The following FAM193A variants were observed in gnomAD, a reference collection of about 807,000 sequenced individuals.
The protein encoded by FAM193A is family with sequence similarity 193 member A.
A neutral mutation model predicts 126.5 loss-of-function variants in FAM193A; 22 were observed. That is an observed-to-expected ratio of 0.17 (90% CI 0.12 to 0.25). The LOEUF (loss-of-function observed/expected upper bound fraction) is 0.25, where lower values mean the gene tolerates loss of function less well. Ranked by LOEUF, FAM193A falls within the 10% of genes least tolerant of loss-of-function variation. The pLI is 1.00. For synonymous variants in FAM193A, 761 were observed against 646.8 expected, an observed-to-expected ratio of 1.18 and a Z score of -2.68; for missense variants, 1,675 against 1,672.8, an observed-to-expected ratio of 1.00 and a Z score of -0.02.
chr4:2,663,418 A>G, intron 12 of FAM193A, 130 bp downstream of exon 12: 2 of 658,112 alleles, frequency 3.0e-6, no homozygotes, highest in South Asian at 6.3e-5. Flanking sequence ...AAGAGAGTCA[A>G]GGCATACTTA....
intron 10 of FAM193A, among the ~76,000 whole-genome samples, chr4:2,661,173 T>C (rs1712396806): frequency 6.6e-6 from 1 of 152,158 alleles, no homozygotes; most frequent in Non-Finnish European, 1.5e-5. Flanking sequence ...GAACTGCCCA[T>C]CACCAGTTAC....
At chr4:2,627,035 G>A (rs903910011) in intron 4 of FAM193A, among the ~76,000 whole-genome samples, 1 of 152,074 alleles carries the variant, frequency 6.6e-6, no homozygotes, top group African/African-American at 2.4e-5. Flanking sequence ...CAGCTGAGGC[G>A]TGCCTGGCCG....
chr4:2,679,815 T>A (rs1714891926), intron 13 of FAM193A, among the ~76,000 whole-genome samples: 1 of 152,138 alleles, frequency 6.6e-6, no homozygotes, highest in African/African-American at 2.4e-5. Flanking sequence ...TTTGGTAGAA[T>A]TGACTAGTGA....
intron 4 of FAM193A, among the ~76,000 whole-genome samples, chr4:2,630,498 T>A (rs1213247427): frequency 6.6e-6 from 1 of 152,202 alleles, no homozygotes; most frequent in Non-Finnish European, 1.5e-5. Flanking sequence ...TGTTAACATA[T>A]AAGCCTTTAA....
chr4:2,622,148 T>A (rs1009539047), intron 2 of FAM193A, among the ~76,000 whole-genome samples: 1 of 149,556 alleles, frequency 6.7e-6, no homozygotes, highest in African/African-American at 2.5e-5. Context: ...TCCCAGCTAC[T>A]CAGGAGGCTG....
At chr4:2,543,350 G>A (rs1737350329) in intron 1 of FAM193A, among the ~76,000 whole-genome samples, 1 of 152,042 alleles carries the variant, frequency 6.6e-6, no homozygotes, top group Non-Finnish European at 1.5e-5. Flanking sequence ...GCCTCTCAAA[G>A]TGCTAGGATT....
chr4:2,608,410 CTCAA>C (rs1289765966), intron 2 of FAM193A, among the ~76,000 whole-genome samples: 1 of 152,176 alleles, frequency 6.6e-6, no homozygotes, highest in Non-Finnish European at 1.5e-5. Context: ...AACTCCTGGG[CTCAA>C]TCAGTCTCCC....
intron 8 of FAM193A, 145 bp from the exon 9 acceptor site, chr4:2,659,413 C>T: frequency 1.6e-6 from 1 of 643,578 alleles, no homozygotes; most frequent in South Asian, 1.8e-5. Context: ...GACTCCAGGT[C>T]TGCTGCCCCT....
chr4:2,548,790 T>G (rs1248657236), intron 1 of FAM193A, among the ~76,000 whole-genome samples: 2 of 151,884 alleles, frequency 1.3e-5, no homozygotes, highest in African/African-American at 4.8e-5. Context: ...AAAAAAAATG[T>G]GAATGAAGTT....
intron 20 of FAM193A, among the ~76,000 whole-genome samples, chr4:2,725,354 T>TG (rs2109417894): frequency 7.0e-6 from 1 of 142,998 alleles, no homozygotes; most frequent in Admixed American, 7.5e-5. Flanking sequence ...AAGCTCAGGT[T>TG]GGGGAGGGTC....
At chr4:2,622,817 C>T (rs1742636192) in intron 2 of FAM193A, among the ~76,000 whole-genome samples, 1 of 152,036 alleles carries the variant, frequency 6.6e-6, no homozygotes, top group East Asian at 1.9e-4. Context: ...ACCTCATGAC[C>T]TAATCACCAC....
At chr4:2,595,863 A>G (rs1210227830) in intron 1 of FAM193A, among the ~76,000 whole-genome samples, 1 of 152,248 alleles carries the variant, frequency 6.6e-6, no homozygotes, top group Non-Finnish European at 1.5e-5. Flanking sequence ...AATTTTGACA[A>G]TTTTCTAACT....
chr4:2,730,449 G>T (rs536690350), intron 20 of FAM193A, among the ~76,000 whole-genome samples: 1 of 152,242 alleles, frequency 6.6e-6, no homozygotes, highest in Admixed American at 6.5e-5. Context: ...CCAGCATTTT[G>T]CGAGGCCGAG....
intron 13 of FAM193A, among the ~76,000 whole-genome samples, chr4:2,682,007 CAG>C (rs772237298): frequency 5.2e-4 from 59 of 112,478 alleles, no homozygotes; most frequent in Middle Eastern, 7.8e-3. Context: ...TTTTTTGAGA[CAG>C]AGTCTTCCTC....
At chr4:2,573,777 A>C (rs1169295914) in intron 1 of FAM193A, among the ~76,000 whole-genome samples, 1 of 151,876 alleles carries the variant, frequency 6.6e-6, no homozygotes, top group Non-Finnish European at 1.5e-5. Context: ...CCGTGGCGGG[A>C]AGAGGTAGGG....
Position 2,700,225 on chromosome 4 carries a change from G to A in FAM193A, c.4053G>A (p.Ala1351=), listed in dbSNP as rs190196929. The change falls in exon 19 of 21, where the codon GCG becomes GCA. Residue 1351 remains alanine, a synonymous_variant. Transcript: ENST00000637812. ...CCAGCAAGGCCAGCAGCGAGCCAGC[G>A]AGGAGGCCCACAGAGCCCCCCAAGG... ...RQTSKASSEP[A]RRPTEPPKAT... is the part of the protein sequence containing the mutation. 8.1e-6 allele frequency: 13 copies of A among 1,613,858 alleles called. No homozygotes were observed. Among genetic ancestry groups the A allele is most frequent in the African/African-American group, 6.7e-5 (5 of 74,904 alleles).
chr4:2,597,471 C>A (rs79166615), intron 2 of FAM193A, among the ~76,000 whole-genome samples: 1 of 152,090 alleles, frequency 6.6e-6, no homozygotes, highest in African/African-American at 2.4e-5. Flanking sequence ...TGCCTCTGCC[C>A]TTGGGAACAG....
intron 1 of FAM193A, among the ~76,000 whole-genome samples, chr4:2,573,618 T>C (rs1252704412): frequency 6.6e-6 from 1 of 152,126 alleles, no homozygotes; most frequent in Non-Finnish European, 1.5e-5. Context: ...GCTCCGTGGC[T>C]GCGGTCCCTC....
chr4:2,723,264 ACT>A (rs746678758), intron 20 of FAM193A, among the ~76,000 whole-genome samples: 8 of 149,882 alleles, frequency 5.3e-5, no homozygotes, highest in African/African-American at 1.2e-4. Context: ...ACAGAGCGAG[ACT>A]CTGTCTCAAA....
Sources: allele counts gnomAD v4.1 joint callset (sites outside exome capture counted in the v4.1 genomes callset), GRCh38; gene constraint gnomAD v4.1.1; transcripts MANE v1.5; gene names NCBI Gene and HGNC (gene_info 2026-07-23, HGNC 2026-07-21).